EHMT1: variants seen among roughly 807,000 people sequenced by gnomAD.
EHMT1 encodes histone-lysine N-methyltransferase EHMT1.
A neutral mutation model predicts 147.2 loss-of-function variants in EHMT1; 15 were observed. That is an observed-to-expected ratio of 0.10 (90% confidence interval 0.07 to 0.16). The LOEUF is 0.16. Among genes scored for constraint, EHMT1 ranks in the 10% least tolerant of loss-of-function variants. The pLI is 1.00. For synonymous variants in EHMT1, 795 were observed against 709.6 expected (o/e 1.12, Z -1.91); for missense variants, 1,587 against 1,772.4 (o/e 0.90, Z 1.88).
Position 137,655,179 on chromosome 9 carries a change from G to T in EHMT1, c.21+36130G>T, listed in dbSNP as rs916206543. On this transcript the variant is annotated intron_variant, in intron 1 of 26. Transcript: ENST00000460843. Reference sequence around the variant, plus strand: ...ACGCTTGGCTAATTTTTGTATTTTTGTATTTTTTTATTTTTAGTAGAGACG... The same window carrying T: ...ACGCTTGGCTAATTTTTGTATTTTTTTATTTTTTTATTTTTAGTAGAGACG... Among the ~76,000 whole-genome samples, 5 of 151,760 alleles carry T rather than the reference G, an allele frequency of 3.3e-5. No homozygotes were observed. In the South Asian group the frequency reaches 6.2e-4, roughly 19 times the overall value.
At chr9:137,819,657 G>C (rs1164287281) in intron 25 of EHMT1, among the ~76,000 whole-genome samples, 1 of 143,384 alleles carries the variant, frequency 7.0e-6, no homozygotes, top group Non-Finnish European at 1.5e-5. Context: ...GGCTGAGGGG[G>C]GGGGCGCCGT....
chr9:137,720,287 T>C (rs1365413730), intron 3 of EHMT1, among the ~76,000 whole-genome samples: 1 of 151,968 alleles, frequency 6.6e-6, no homozygotes, highest in Non-Finnish European at 1.5e-5. Flanking sequence ...ATCTGCAGAT[T>C]CCATTTTTAT....
At chr9:137,723,380 G>A (rs1946273351) in intron 3 of EHMT1, among the ~76,000 whole-genome samples, 1 of 136,614 alleles carries the variant, frequency 7.3e-6, no homozygotes. Flanking sequence ...GTCTGTGTCC[G>A]TGGTTCTGGG....
At chr9:137,690,121 CTG>C (rs769289838) in intron 1 of EHMT1, among the ~76,000 whole-genome samples, 7 of 152,084 alleles carry the variant, frequency 4.6e-5, no homozygotes, top group Non-Finnish European at 8.8e-5. Context: ...GTGGGGAAAA[CTG>C]TGAGAGATGA....
At chr9:137,715,876 A>G in intron 2 of EHMT1, 1 of 977,326 alleles carries the variant, frequency 1.0e-6, no homozygotes, top group Non-Finnish European at 1.2e-6. Context: ...GTGATTCCCC[A>G]AACTTAACCA....
chr9:137,717,589 G>A (rs974297612), intron 3 of EHMT1, among the ~76,000 whole-genome samples: 9 of 139,980 alleles, frequency 6.4e-5, no homozygotes, highest in Middle Eastern at 4.2e-3. Flanking sequence ...TTGGGCACCA[G>A]AGTGAGACCC....
rs967603048 is a variant in EHMT1, at chr9:137,776,928, C to T, written c.2018+84C>T. 7.6e-7 allele frequency: 1 copy of T among 1,307,296 alleles called. No individual in the cohort carries two copies. The highest frequency in any genetic ancestry group is 2.0e-5 in the Admixed American group (1 of 49,716). The allele number at this position is 1,307,296 out of a possible 1,614,324, so 81.0% of individuals were successfully genotyped here. On this transcript the variant is annotated intron_variant, in intron 12 of 26. Coordinates refer to ENST00000460843, the MANE Select transcript of EHMT1 (RefSeq NM_024757.5). This position sits in a 1 kb window ranked among gnomAD's most constrained non-coding sequence, Gnocchi z 4.4. ...GTTAACTCAACGTTATTGCTTCCTG[C>T]TGTTTTTTCCAGAAGTCTCTGAGCT... is the stretch of plus-strand genomic sequence containing the variant.
rs1949036928 is a variant in EHMT1, at chr9:137,752,355, C to G, written c.1195C>G (p.Gln399Glu). The G allele has an allele frequency of 6.2e-7, 1 of 1,614,190 alleles. No homozygotes were observed. The highest frequency in any genetic ancestry group is 1.7e-5 in the Admixed American group (1 of 60,034). ...QKMDGESEEE[Q>E]ESVDTGEEEE... ...GATGGACGGGGAGTCCGAGGAGGAGCAGGAGTCCGTGGACACCGGGGAGGA... is the reference window on the plus strand; with the variant it reads ...GATGGACGGGGAGTCCGAGGAGGAGGAGGAGTCCGTGGACACCGGGGAGGA... Residue 399 changes from glutamine to glutamate, a missense_variant, in exon 7 of 27, where the codon CAG becomes GAG. Gln to Glu is a conservative substitution (Grantham distance 29). Around this residue, in one of 7 missense-constraint regions of EHMT1, gnomAD observed 810 missense variants for 673.0 expected, o/e 1.20. Transcript: ENST00000460843.
chr9:137,717,605 C>CAAAACA (rs1945465530), intron 3 of EHMT1, among the ~76,000 whole-genome samples: 1 of 69,630 alleles, frequency 1.4e-5, no homozygotes. Flanking sequence ...GACCCTGTCT[C>CAAAACA]AAAAAAAAAA....
intron 9 of EHMT1, among the ~76,000 whole-genome samples, chr9:137,762,415 A>C (rs1949897695): frequency 6.6e-6 from 1 of 152,114 alleles, no homozygotes; most frequent in African/African-American, 2.4e-5. Context: ...GGGTCCTGAG[A>C]ACCTGAGAAC....
chr9:137,620,508 C>T (rs1282876530), intron 1 of EHMT1, among the ~76,000 whole-genome samples: 1 of 152,190 alleles, frequency 6.6e-6, no homozygotes, highest in African/African-American at 2.4e-5. Flanking sequence ...TTCGACCACC[C>T]AGGCTCAAAG....
At chr9:137,797,504 T>C (rs1045888757) in intron 16 of EHMT1, among the ~76,000 whole-genome samples, 9 of 152,294 alleles carry the variant, frequency 5.9e-5, no homozygotes, top group Middle Eastern at 3.4e-3. Context: ...CTGTCCTGAA[T>C]TCTGTGACAG....
chr9:137,625,109 T>G (rs1843173633), intron 1 of EHMT1, among the ~76,000 whole-genome samples: 1 of 151,898 alleles, frequency 6.6e-6, no homozygotes, highest in South Asian at 2.1e-4. Flanking sequence ...CTAAAATTCC[T>G]GACCTCAGGT....
rs767691870 is a variant in EHMT1, at chr9:137,744,093, A to G, written c.1170+3A>G. ...CGGAGGCTGATCGCGCCCAGAAGGT[A>G]TGTGTTGCTGTCTTGGGTGACAGCA... On this transcript the variant is annotated splice_donor_region_variant and intron_variant, in intron 6 of 26. Coordinates refer to ENST00000460843, the MANE Select transcript of EHMT1 (RefSeq NM_024757.5). 23 of 1,613,976 alleles carry G rather than the reference A, an allele frequency of 1.4e-5. No individual in the cohort carries two copies. The highest frequency in any genetic ancestry group is 1.7e-5 in the Non-Finnish European group (20 of 1,180,032).
intron 1 of EHMT1, chr9:137,674,839 G>A (rs899375684): frequency 6.6e-6 from 1 of 152,240 alleles, no homozygotes; most frequent in African/African-American, 2.4e-5. Flanking sequence ...CGGGAAGCAG[G>A]GGGAAGGGTG....
chr9:137,742,193 CTG>C (rs908428281), intron 4 of EHMT1, among the ~76,000 whole-genome samples: 9 of 152,152 alleles, frequency 5.9e-5, no homozygotes, highest in Admixed American at 5.2e-4. Flanking sequence ...CCCGCGGCGT[CTG>C]TGGGTGGTGC....
At chr9:137,802,127 T>G (rs1588792396) in intron 18 of EHMT1, among the ~76,000 whole-genome samples, 1 of 152,136 alleles carries the variant, frequency 6.6e-6, no homozygotes, top group Non-Finnish European at 1.5e-5. Flanking sequence ...CAAAAGGGTG[T>G]TCACTAGAAG....
intron 13 of EHMT1, among the ~76,000 whole-genome samples, chr9:137,778,816 G>T (rs1035475584): frequency 6.6e-6 from 1 of 152,206 alleles, no homozygotes; most frequent in Non-Finnish European, 1.5e-5. Context: ...GGCTTAATTG[G>T]CTCACGGTTC....
intron 10 of EHMT1, among the ~76,000 whole-genome samples, chr9:137,772,239 G>A (rs543331169): frequency 6.6e-6 from 1 of 152,286 alleles, no homozygotes; most frequent in East Asian, 1.9e-4. Flanking sequence ...AAAGGTTATA[G>A]GGGATGGCTT....
Sources: gnomAD v4.1 joint callset for allele counts (sites outside exome capture counted in the v4.1 genomes callset) on GRCh38, gnomAD v4.1.1 for gene constraint, gnomAD v4.1.1 regional missense constraint, Gnocchi (gnomAD v3.1) non-coding constraint, MANE v1.5 for transcripts, NCBI Gene and HGNC (gene_info 2026-07-23, HGNC 2026-07-21) for gene names.